MORN3: variants seen among roughly 807,000 people sequenced by gnomAD.
The protein encoded by MORN3 is MORN repeat-containing protein 3.
A neutral mutation model predicts 34.7 loss-of-function variants in MORN3; 38 were observed. The ratio of observed to expected loss-of-function variants is 1.10; its 90% CI spans 0.85 to 1.44. MORN3 has a LOEUF of 1.44. Ranked by LOEUF, MORN3 falls within the 40% of genes most tolerant of loss-of-function variation. MORN3 has a pLI of 0.00. For missense variants in MORN3, 311 were observed against 321.7 expected, an observed-to-expected ratio of 0.97 and a Z score of 0.25; for synonymous variants, 109 against 115.3, an observed-to-expected ratio of 0.95 and a Z score of 0.35.
intron 2 of MORN3, 100 bp from the exon 3 acceptor site, chr12:121,654,533 T>A (rs980744991): frequency 2.8e-5 from 36 of 1,281,206 alleles, no homozygotes; most frequent in Non-Finnish European, 3.6e-5. Flanking sequence ...CCCCAGCTTC[T>A]TCCTTCTTCC....
intron 1 of MORN3, among the ~76,000 whole-genome samples, chr12:121,661,046 C>T (rs1188029469): frequency 6.6e-6 from 1 of 152,096 alleles, no homozygotes; most frequent in African/African-American, 2.4e-5. Context: ...GCCTCAACCA[C>T]CCAGGCTCAA....
At chr12:121,670,371 T>C (rs555740901), upstream of MORN3, among the ~76,000 whole-genome samples, 1 of 152,248 alleles carries the variant, frequency 6.6e-6, no homozygotes, top group South Asian at 2.1e-4. Flanking sequence ...TATTAATCTT[T>C]ATATGTAAAT....
At chr12:121,654,018 A>G (rs560523750) in intron 3 of MORN3, among the ~76,000 whole-genome samples, 1 of 152,144 alleles carries the variant, frequency 6.6e-6, no homozygotes, top group South Asian at 2.1e-4. Flanking sequence ...GTCCTAGGCA[A>G]CCATTAGTCT....
At chr12:121,656,097 C>T (rs1476773405) in intron 2 of MORN3, among the ~76,000 whole-genome samples, 1 of 152,134 alleles carries the variant, frequency 6.6e-6, no homozygotes, top group Non-Finnish European at 1.5e-5. Context: ...AGATCACACC[C>T]GAGGAGGTTG....
intron 1 of MORN3, among the ~76,000 whole-genome samples, chr12:121,662,533 A>G (rs907667554): frequency 2.6e-5 from 4 of 152,028 alleles, no homozygotes; most frequent in African/African-American, 9.7e-5. Flanking sequence ...AGGCAGGCGG[A>G]TGATGAGGTC....
At chr12:121,662,662 G>A (rs1893618183) in intron 1 of MORN3, among the ~76,000 whole-genome samples, 1 of 151,062 alleles carries the variant, frequency 6.6e-6, no homozygotes, top group African/African-American at 2.4e-5. Context: ...GCTAAGGCTG[G>A]AGAATCTCTT....
upstream of MORN3, among the ~76,000 whole-genome samples, chr12:121,669,925 G>A (rs920052322): frequency 4.6e-5 from 7 of 151,122 alleles, no homozygotes; most frequent in Non-Finnish European, 1.0e-4. Flanking sequence ...CCAGGCTGGA[G>A]TGCAGTGGCA....
In MORN3 at chr12:121,662,911, C is replaced by T. The variant is rs185339343; in HGVS notation, c.146-3563G>A. On this transcript the variant is annotated intron_variant, in intron 1 of 5. Transcript: ENST00000355329. The stretch of plus-strand genomic sequence containing the variant: ...TGGAGGCAAGAGAATCATTTGAACC[C>T]GGGTGGCAGAGGTTGCAGTGATCCA... Among the ~76,000 whole-genome samples, 63 of 151,980 alleles carry T rather than the reference C, an allele frequency of 4.1e-4. No individual in the cohort carries two copies. In the East Asian group the frequency reaches 0.011, roughly 26 times the overall value.
At position 121,659,536 on chromosome 12, in the gene MORN3, CTTTCT is replaced by C. The variant is rs796103309; in HGVS notation, c.146-193_146-189del. Among the ~76,000 whole-genome samples the C allele has an allele frequency of 6.0e-5, 9 of 150,718 alleles. No homozygotes were observed. The East Asian group carries it at 1.2e-3, about 20-fold the overall frequency. On this transcript the variant is annotated intron_variant, in intron 1 of 5. Coordinates refer to ENST00000355329, the MANE Select transcript of MORN3 (RefSeq NM_173855.5). ...GTTCCATTTCTTTCTTTCTTTCTTT[CTTTCT>C]TTTTTTTTTTTGAGGCAGTGTCTCA...
At position 121,651,633 on chromosome 12, in the gene MORN3, C is replaced by T. The variant is rs1032346437; in HGVS notation, c.*18G>A. The T allele has an allele frequency of 2.6e-5, 4 of 152,232 alleles. No individual in the cohort carries two copies. Among genetic ancestry groups the T allele is most frequent in the Non-Finnish European group, 4.4e-5 (3 of 68,142 alleles). 9.4% of individuals were successfully genotyped at this position (152,232 alleles called of 1,614,324 possible). On this transcript the variant is annotated 3_prime_UTR_variant, in exon 6 of 6. Coordinates refer to ENST00000355329, the MANE Select transcript of MORN3 (RefSeq NM_173855.5). ...ACACAGGCTTGAATTTCTCCTGAAG[C>T]GTTTGTGTTCTCTGCAGGGGAGAGA... is the stretch of plus-strand genomic sequence containing the variant.
chr12:121,669,207 C>G (rs945251641), intron 1 of MORN3, 132 bp downstream of exon 1: 14 of 1,232,594 alleles, frequency 1.1e-5, no homozygotes, highest in African/African-American at 1.5e-5. Context: ...TGGCCTGGGC[C>G]AGCGCTCACC....
In MORN3 at chr12:121,668,552, AAG is replaced by A. The variant is rs1218278693; in HGVS notation, c.145+785_145+786del. Among the ~76,000 whole-genome samples, 4 of 152,208 alleles carry A rather than the reference AAG, an allele frequency of 2.6e-5. No individual in the cohort carries two copies. The East Asian group carries it at 7.8e-4, about 30-fold the overall frequency. ...GTGAAACTCCGTCTAAAAAAATAAA[AAG>A]AGCACAGAATCTAGCCAGGCACAGT... On this transcript the variant is annotated intron_variant, in intron 1 of 5. Transcript: ENST00000355329.
At chr12:121,653,282 G>A (rs1555325316) in intron 3 of MORN3, 23 bp from the exon 4 acceptor site, 1 of 1,607,972 alleles carries the variant, frequency 6.2e-7, no homozygotes, top group African/African-American at 1.3e-5. Flanking sequence ...ACAGGGAGGT[G>A]TGGTGCAGGG....
chr12:121,665,278 C>CTTTTTTTTT (rs767525874), intron 1 of MORN3, among the ~76,000 whole-genome samples: 15 of 50,670 alleles, frequency 3.0e-4, no homozygotes, highest in South Asian at 1.3e-3. Flanking sequence ...TTTTTCTTTC[C>CTTTTTTTTT]TTTTTTTTTT....
At chr12:121,667,414 C>G (rs1893799054) in intron 1 of MORN3, among the ~76,000 whole-genome samples, 1 of 151,336 alleles carries the variant, frequency 6.6e-6, no homozygotes. Flanking sequence ...CCACTCGATC[C>G]AGCTAATTTT....
chr12:121,672,559 C>G (rs993864962), upstream of MORN3: 3 of 152,324 alleles, frequency 2.0e-5, no homozygotes, highest in African/African-American at 7.2e-5. Flanking sequence ...CCCACCTGCG[C>G]CCGGCTCACC....
At chr12:121,658,770 G>A (rs1015158101) in intron 2 of MORN3, among the ~76,000 whole-genome samples, 5 of 151,860 alleles carry the variant, frequency 3.3e-5, no homozygotes, top group Admixed American at 6.6e-5. Context: ...TCGGCCCCCC[G>A]GGACCCTCCT....
chr12:121,653,399 G>A, intron 3 of MORN3, 140 bp from the exon 4 acceptor site: 1 of 876,746 alleles, frequency 1.1e-6, no homozygotes. Flanking sequence ...AGGAGATCAA[G>A]ACCAGCCTGA....
At chr12:121,665,133 A>G (rs1172486458) in intron 1 of MORN3, among the ~76,000 whole-genome samples, 10 of 151,902 alleles carry the variant, frequency 6.6e-5, no homozygotes, top group Admixed American at 6.6e-4. Flanking sequence ...GAGTGAGAGC[A>G]GGAGGCATCC....
Sources: allele counts gnomAD v4.1 joint callset (sites outside exome capture counted in the v4.1 genomes callset), GRCh38; gene constraint gnomAD v4.1.1; transcripts MANE v1.5; gene names NCBI Gene and HGNC (gene_info 2026-07-23, HGNC 2026-07-21).